The following ITGA9 variants were observed in gnomAD, a reference collection of about 807,000 sequenced individuals.
The protein encoded by ITGA9 is integrin subunit alpha 9, also known as integrin alpha-9.
Under a neutral mutation model 127.8 loss-of-function variants are expected in ITGA9, and 56 were observed. The ratio of observed to expected loss-of-function variants is 0.44; its 90% confidence interval spans 0.35 to 0.55. ITGA9 has a LOEUF of 0.55. ITGA9 is among the 20% of genes least tolerant of loss of function. ITGA9 has a pLI of 0.00. For synonymous variants in ITGA9, 508 were observed against 514.5 expected, an observed-to-expected ratio of 0.99 and a Z score of 0.17; for missense variants, 1,196 against 1,347.1, an observed-to-expected ratio of 0.89 and a Z score of 1.76.
chr3:37,634,344 A>G (rs182742567), intron 16 of ITGA9, among the ~76,000 whole-genome samples: 1 of 151,922 alleles, frequency 6.6e-6, no homozygotes, highest in Admixed American at 6.6e-5. Context: ...ACAAGACCTA[A>G]CTATATGCTG....
At chr3:37,606,049 G>A (rs1392468628) in intron 15 of ITGA9, among the ~76,000 whole-genome samples, 3 of 152,180 alleles carry the variant, frequency 2.0e-5, no homozygotes, top group African/African-American at 7.2e-5. Context: ...AGTCAGTGGT[G>A]CTCGCTAGTC....
chr3:37,571,462 A>G (rs901708680), intron 15 of ITGA9, among the ~76,000 whole-genome samples: 2 of 152,140 alleles, frequency 1.3e-5, no homozygotes, highest in African/African-American at 4.8e-5. Context: ...GCTGGACAAG[A>G]TGAACTAGAG....
intron 23 of ITGA9, among the ~76,000 whole-genome samples, chr3:37,757,525 C>A (rs942445923): frequency 6.6e-6 from 1 of 151,618 alleles, no homozygotes; most frequent in Non-Finnish European, 1.5e-5. Flanking sequence ...ATTAGCCAGG[C>A]ATGTGGCATA....
chr3:37,551,277 G>A (rs1372796456), intron 15 of ITGA9, among the ~76,000 whole-genome samples: 1 of 151,956 alleles, frequency 6.6e-6, no homozygotes, highest in Non-Finnish European at 1.5e-5. Context: ...GATTCTGTTC[G>A]CCAGCCCCTC....
rs1048240707 is a variant in ITGA9 at position 37,819,176 on chromosome 3, G to A, written c.*187G>A. On this transcript the variant is annotated 3_prime_UTR_variant, in exon 28 of 28. Transcript: ENST00000264741. ...ACTTCGGCCAGGTCACACGACCGGG[G>A]CCAGCACCACTTCCTTTAAAGATGA... 1.1e-5 allele frequency: 7 copies of A among 624,300 alleles called. No individual in the cohort carries two copies. Among genetic ancestry groups the A allele is most frequent in the African/African-American group, 7.4e-5 (4 of 54,240 alleles). 38.7% of individuals were successfully genotyped at this position (624,300 alleles called of 1,614,324 possible). A position where few individuals can be genotyped will look rare whatever the true frequency, so the allele number is the denominator to read the frequency against.
intron 20 of ITGA9, among the ~76,000 whole-genome samples, chr3:37,739,489 T>C (rs1195268375): frequency 6.6e-6 from 1 of 152,226 alleles, no homozygotes; most frequent in African/African-American, 2.4e-5. Context: ...TCTTGAAAAC[T>C]ACAGTTAAAA....
chr3:37,589,849 G>A (rs2125614471), intron 15 of ITGA9, among the ~76,000 whole-genome samples: 1 of 152,094 alleles, frequency 6.6e-6, no homozygotes, highest in East Asian at 1.9e-4. Context: ...GAAAGGACTT[G>A]GCTTTTACTC....
At position 37,818,926 on chromosome 3, in the gene ITGA9, C is replaced by T. The variant is rs142961075; in HGVS notation, c.3045C>T (p.Ile1015=). ...GFFRRRYKEI[I]EAEKNRKENE... Reference sequence around the variant, plus strand: ...TTCGCCGAAGGTACAAAGAAATTATCGAAGCTGAGAAGAACCGGAAAGAGA... The same window carrying T: ...TTCGCCGAAGGTACAAAGAAATTATTGAAGCTGAGAAGAACCGGAAAGAGA... Residue 1015 remains isoleucine, a synonymous_variant, in exon 28 of 28, where the codon ATC becomes ATT. Coordinates refer to ENST00000264741, the MANE Select transcript of ITGA9 (RefSeq NM_002207.3). 3,580 of 1,614,110 alleles carry T rather than the reference C, an allele frequency of 2.2e-3. 5 individuals are homozygous for T. The highest frequency in any genetic ancestry group is 2.8e-3 in the Non-Finnish European group (3,287 of 1,179,980).
In ITGA9 at chr3:37,592,315, C is replaced by T. The variant is rs116723173; in HGVS notation, c.1690-36872C>T. On this transcript the variant is annotated intron_variant, in intron 15 of 27. Coordinates refer to ENST00000264741, the MANE Select transcript of ITGA9 (RefSeq NM_002207.3). ...GTGTCAGTCAAATAAGGCTATTCCT[C>T]GTTGAAGGTAGCTTCCTCCACGTGG... Among the ~76,000 whole-genome samples the T allele has an allele frequency of 3.9e-3, 594 of 152,288 alleles. 5 individuals carry two copies. The highest frequency in any genetic ancestry group is 0.013 in the African/African-American group (551 of 41,556).
chr3:37,552,636 T>A (rs1253987903), intron 15 of ITGA9, among the ~76,000 whole-genome samples: 1 of 152,170 alleles, frequency 6.6e-6, no homozygotes, highest in East Asian at 1.9e-4. Flanking sequence ...AGCGCTCTCT[T>A]TCTCTCTTGG....
chr3:37,518,771 C>CTTTTTTTTTTTTTTTTTTTTTTTT (rs543297344), intron 10 of ITGA9, among the ~76,000 whole-genome samples: 1 of 43,514 alleles, frequency 2.3e-5, no homozygotes, highest in African/African-American at 9.3e-5. Flanking sequence ...TTTCACTGTA[C>CTTTTTTTTTTTTTTTTTTTTTTTT]TTTTTTTTTT....
chr3:37,620,431 G>C (rs1700117077), intron 15 of ITGA9, among the ~76,000 whole-genome samples: 1 of 152,128 alleles, frequency 6.6e-6, no homozygotes, highest in Non-Finnish European at 1.5e-5. Flanking sequence ...TGGTGTTGTA[G>C]GGGCAACTGG....
intron 15 of ITGA9, among the ~76,000 whole-genome samples, chr3:37,591,925 G>A (rs917959672): frequency 6.6e-6 from 1 of 152,156 alleles, no homozygotes; most frequent in Admixed American, 6.5e-5. Flanking sequence ...GGTTATGAGG[G>A]CCTGGACATT....
intron 15 of ITGA9, among the ~76,000 whole-genome samples, chr3:37,582,411 A>G (rs562947996): frequency 6.6e-6 from 1 of 152,264 alleles, no homozygotes; most frequent in East Asian, 1.9e-4. Context: ...CCAAATAGGG[A>G]TTGACTTTTA....
intron 3 of ITGA9, 124 bp from the exon 4 acceptor site, chr3:37,481,360 T>C: frequency 7.7e-7 from 1 of 1,295,126 alleles, no homozygotes; most frequent in South Asian, 1.2e-5. Flanking sequence ...TATGAAGGTG[T>C]GGCTTTCTGG....
At chr3:37,812,055 A>C (rs1454850859) in intron 27 of ITGA9, among the ~76,000 whole-genome samples, 2 of 152,204 alleles carry the variant, frequency 1.3e-5, no homozygotes, top group African/African-American at 2.4e-5. Context: ...CCTTCCCTTC[A>C]AACTGGGCTG....
chr3:37,631,318 T>C (rs1700228751), intron 16 of ITGA9, among the ~76,000 whole-genome samples: 1 of 152,230 alleles, frequency 6.6e-6, no homozygotes, highest in Non-Finnish European at 1.5e-5. Context: ...AGTCTGTCAG[T>C]GGCACAGATG....
intron 15 of ITGA9, among the ~76,000 whole-genome samples, chr3:37,573,565 C>T (rs1699622936): frequency 6.6e-6 from 1 of 152,148 alleles, no homozygotes; most frequent in African/African-American, 2.4e-5. Context: ...GATGGGCTGT[C>T]ATCCAGAACA....
At chr3:37,635,841 T>A (rs1276796793) in intron 16 of ITGA9, among the ~76,000 whole-genome samples, 2 of 146,148 alleles carry the variant, frequency 1.4e-5, no homozygotes, top group Non-Finnish European at 1.5e-5. Flanking sequence ...CCATGTGTTC[T>A]CATTGTTCAA....
Sources: allele counts gnomAD v4.1 joint callset (sites outside exome capture counted in the v4.1 genomes callset), GRCh38; gene constraint gnomAD v4.1.1; transcripts MANE v1.5; gene names NCBI Gene and HGNC (gene_info 2026-07-23, HGNC 2026-07-21).